ELF4: variants seen among roughly 807,000 people sequenced by gnomAD.
ELF4 encodes the protein ETS-related transcription factor Elf-4.
ELF4 carries 10 observed loss-of-function variants against 31.7 expected under a neutral mutation model. That is an observed-to-expected ratio of 0.32 (90% confidence interval 0.19 to 0.54). ELF4 has a LOEUF of 0.54. ELF4 is among the 20% of genes least tolerant of loss of function. The probability of loss-of-function intolerance (pLI) is 0.95; values close to 1 mark genes in which losing one functional copy is unlikely to be tolerated. For missense variants in ELF4, 418 were observed against 522.0 expected, an observed-to-expected ratio of 0.80 and a Z score of 1.94; for synonymous variants, 208 against 226.7, an observed-to-expected ratio of 0.92 and a Z score of 0.74.
chrX:130,078,748 A>ACT (rs1166569826), intron 2 of ELF4, among the ~76,000 whole-genome samples: 2 of 93,669 alleles, frequency 2.1e-5, no homozygotes, highest in African/African-American at 4.1e-5. Context: ...CAAGAGCAAA[A>ACT]CTCTCTCTCT....
chrX:130,088,542 T>C (rs1169941636), intron 1 of ELF4, among the ~76,000 whole-genome samples: 1 of 111,270 alleles, frequency 9.0e-6, no homozygotes, highest in Non-Finnish European at 1.9e-5. Flanking sequence ...CAAAAGCCCG[T>C]CTCTACTATA....
At chrX:130,071,914 C>A (rs1932790898) in intron 5 of ELF4, among the ~76,000 whole-genome samples, 1 of 112,444 alleles carries the variant, frequency 8.9e-6, no homozygotes, top group South Asian at 3.7e-4. Context: ...TAGGCTGAGG[C>A]CCCAGAGGTC....
intron 4 of ELF4, among the ~76,000 whole-genome samples, chrX:130,072,724 C>T (rs759169144): frequency 1.5e-4 from 17 of 112,208 alleles, no homozygotes; most frequent in African/African-American, 4.5e-4. Context: ...GCTCATTTTA[C>T]GACTCAAAGG....
At chrX:130,082,659 G>A (rs1464729845) in intron 1 of ELF4, among the ~76,000 whole-genome samples, 24 of 111,247 alleles carry the variant, frequency 2.2e-4, no homozygotes, top group Admixed American at 1.9e-3. Context: ...CAGTGCCCGG[G>A]CGCCTCATCT....
At chrX:130,083,977 C>T (rs1021504467) in intron 1 of ELF4, among the ~76,000 whole-genome samples, 2 of 111,850 alleles carry the variant, frequency 1.8e-5, no homozygotes, top group East Asian at 2.8e-4. Flanking sequence ...CTGCCTTACA[C>T]GAGAATGAGC....
intron 3 of ELF4, 110 bp from the exon 4 acceptor site, chrX:130,074,251 C>T: frequency 2.3e-6 from 2 of 856,604 alleles, no homozygotes; most frequent in Non-Finnish European, 3.5e-6. Context: ...TGGTAAGCAT[C>T]CTTCGGGCTG....
rs149207340 is a variant in ELF4, at chrX:130,068,620, G to T, written c.1187+680C>A. The stretch of plus-strand genomic sequence containing the variant: ...CCAACCTTCTCAGGGAAAATCGGAG[G>T]CCCCTTAGTGGGGATGAGAAGTAGT... On this transcript the variant is annotated intron_variant, in intron 8 of 8. Coordinates refer to ENST00000308167, the MANE Select transcript of ELF4 (RefSeq NM_001421.4). 9.4e-3 allele frequency among the ~76,000 whole-genome samples: 1,066 copies of T among 112,847 alleles called. 17 individuals carry two copies. The highest frequency in any genetic ancestry group is 0.032 in the African/African-American group (1,010 of 31,107).
At chrX:130,079,446 G>A (rs1045239218) in intron 2 of ELF4, among the ~76,000 whole-genome samples, 8 of 110,962 alleles carry the variant, frequency 7.2e-5, no homozygotes, top group Admixed American at 9.6e-5. Flanking sequence ...TGACAAGAGC[G>A]AAACTCCATC....
At position 130,066,722 on chromosome X, in the gene ELF4, T is replaced by C; in HGVS notation, c.1991A>G (p.Ter664=). The C allele has an allele frequency of 8.3e-7, 1 of 1,210,000 alleles. No homozygotes were observed. Among genetic ancestry groups the C allele is most frequent in the South Asian group, 1.8e-5 (1 of 56,873 alleles). The change falls in exon 9 of 9, where the codon TAA becomes TGA. Residue 664 remains the stop codon, a stop_retained_variant. Transcript: ENST00000308167. ...TCACACTTGCCCTGACCCCTTTGCT[T>C]ATATGTCATGGGGCTCCATCTTAAT... ...SLIKMEPHDI[*]
intron 1 of ELF4, among the ~76,000 whole-genome samples, chrX:130,108,436 T>A (rs1463249308): frequency 9.2e-6 from 1 of 109,117 alleles, no homozygotes; most frequent in African/African-American, 3.4e-5. Context: ...AGAGCAGAGG[T>A]TTCCCCAGGA....
At chrX:130,109,848 G>A (rs1383339441) in intron 1 of ELF4, among the ~76,000 whole-genome samples, 3 of 113,006 alleles carry the variant, frequency 2.7e-5, no homozygotes, top group African/African-American at 9.6e-5. Flanking sequence ...TCCGGCCCCT[G>A]CCAAGAGGTC....
intron 1 of ELF4, among the ~76,000 whole-genome samples, chrX:130,089,160 A>T (rs1215948134): frequency 9.1e-6 from 1 of 109,984 alleles, no homozygotes; most frequent in Non-Finnish European, 1.9e-5. Flanking sequence ...AGTCATCGAG[A>T]GCTCCTGGGG....
Position 130,081,434 on chromosome X carries a change from T to C in ELF4, c.-104A>G. 1 of 861,393 alleles carries C rather than the reference T, an allele frequency of 1.2e-6. No individual in the cohort carries two copies. Among genetic ancestry groups the C allele is most frequent in the Non-Finnish European group, 1.7e-6 (1 of 583,866 alleles). 71.0% of individuals were successfully genotyped at this position (861,393 alleles called of 1,213,427 possible). On this transcript the variant is annotated 5_prime_UTR_variant, in exon 2 of 9. Coordinates refer to ENST00000308167, the MANE Select transcript of ELF4 (RefSeq NM_001421.4). ...CCCAGGTACTTTGGAGCCTAGAGCCTACCCCCTGAGCTGCAGTAAAATAGG... is the reference window on the plus strand; with the variant it reads ...CCCAGGTACTTTGGAGCCTAGAGCCCACCCCCTGAGCTGCAGTAAAATAGG...
At chrX:130,096,596 GAACTATATCTAAT>G (rs1173575809) in intron 1 of ELF4, among the ~76,000 whole-genome samples, 1 of 111,825 alleles carries the variant, frequency 8.9e-6, no homozygotes, top group Non-Finnish European at 1.9e-5. Context: ...TATGGTATTT[GAACTATATCTAAT>G]AACTATATCT....
At position 130,109,258 on chromosome X, in the gene ELF4, G is replaced by A. The variant is rs184137986; in HGVS notation, c.-210+1067C>T. On this transcript the variant is annotated intron_variant, in intron 1 of 8. Transcript: ENST00000308167. ...GTGGTGGTTCAGGCCCTGGGGTGGT[G>A]ACCTCACTTCCGCTCCTACCTCCCC... 2.4e-4 allele frequency among the ~76,000 whole-genome samples: 27 copies of A among 112,114 alleles called. No individual in the cohort carries two copies. In the East Asian group the frequency reaches 2.8e-3, roughly 12 times the overall value.
intron 1 of ELF4, among the ~76,000 whole-genome samples, chrX:130,088,755 G>A (rs1308118080): frequency 2.7e-5 from 3 of 112,034 alleles, no homozygotes; most frequent in Middle Eastern, 4.6e-3. Context: ...ATTCATTAGT[G>A]GGTTTTTTAG....
chrX:130,064,453 A>G lies in ELF4; in HGVS notation c.*2268T>C, dbSNP rs1257528826. ...GACTCAAAAACAAACGAACAAACAA[A>G]AACATTGTTGATAGAGGGGCTATCT... is the stretch of plus-strand genomic sequence containing the variant. On this transcript the variant is annotated 3_prime_UTR_variant, in exon 9 of 9. Coordinates refer to ENST00000308167, the MANE Select transcript of ELF4 (RefSeq NM_001421.4). Among the ~76,000 whole-genome samples the G allele has an allele frequency of 8.9e-6, 1 of 112,153 alleles. No individual in the cohort carries two copies. The highest frequency in any genetic ancestry group is 1.9e-5 in the Non-Finnish European group (1 of 53,212).
intron 1 of ELF4, among the ~76,000 whole-genome samples, chrX:130,102,871 AGAGAG>A (rs1569410493): frequency 4.6e-4 from 35 of 75,609 alleles, no homozygotes; most frequent in African/African-American, 2.0e-3. Flanking sequence ...AGAGAGAGAG[AGAGAG>A]AGAGAGAGAG....
At position 130,068,631 on chromosome X, in the gene ELF4, G is replaced by C. The variant is rs1442484767; in HGVS notation, c.1187+669C>G. Among the ~76,000 whole-genome samples, 18 of 112,855 alleles carry C rather than the reference G, an allele frequency of 1.6e-4. No individual in the cohort carries two copies. In the East Asian group the frequency reaches 5.0e-3, roughly 32 times the overall value. Reference sequence around the variant, plus strand: ...AGGGAAAATCGGAGGCCCCTTAGTGGGGATGAGAAGTAGTTGGAGCTAGCC... The same window carrying C: ...AGGGAAAATCGGAGGCCCCTTAGTGCGGATGAGAAGTAGTTGGAGCTAGCC... On this transcript the variant is annotated intron_variant, in intron 8 of 8. Transcript: ENST00000308167.
Sources: gnomAD v4.1 joint callset for allele counts (sites outside exome capture counted in the v4.1 genomes callset) on GRCh38, gnomAD v4.1.1 for gene constraint, MANE v1.5 for transcripts, NCBI Gene and HGNC (gene_info 2026-07-23, HGNC 2026-07-21) for gene names.